Variants in ITCH observed in about 807,000 individuals in gnomAD.
The protein encoded by ITCH is itchy E3 ubiquitin protein ligase, also known as E3 ubiquitin-protein ligase Itchy homolog.
A neutral mutation model predicts 126.8 loss-of-function variants in ITCH; 28 were observed. The ratio of observed to expected loss-of-function variants is 0.22; its 90% CI spans 0.16 to 0.30. ITCH has a LOEUF of 0.30. ITCH is among the 10% of genes least tolerant of loss of function. The pLI is 1.00. For missense variants in ITCH, 631 were observed against 1,032.4 expected, an observed-to-expected ratio of 0.61 and a Z score of 5.33; for synonymous variants, 342 against 340.0, an observed-to-expected ratio of 1.01 and a Z score of -0.06.
chr20:34,427,573 A>G (rs558590853), intron 7 of ITCH, among the ~76,000 whole-genome samples: 2 of 152,334 alleles, frequency 1.3e-5, no homozygotes, highest in African/African-American at 4.8e-5. Context: ...AGATCGTGCC[A>G]CTGTACTCAG....
At chr20:34,420,399 T>C (rs1443138402) in intron 6 of ITCH, among the ~76,000 whole-genome samples, 1 of 152,236 alleles carries the variant, frequency 6.6e-6, no homozygotes, top group African/African-American at 2.4e-5. Flanking sequence ...TTGTAGAATG[T>C]GTCAGTACTT....
At chr20:34,478,903 T>C (rs563924710) in intron 17 of ITCH, among the ~76,000 whole-genome samples, 28 of 152,262 alleles carry the variant, frequency 1.8e-4, no homozygotes, top group African/African-American at 6.7e-4. Flanking sequence ...TTAAAGTGTG[T>C]CATGAGATAC....
At chr20:34,410,682 T>C (rs1978904627) in intron 4 of ITCH, among the ~76,000 whole-genome samples, 1 of 152,162 alleles carries the variant, frequency 6.6e-6, no homozygotes, top group African/African-American at 2.4e-5. Context: ...AGTTCCCATC[T>C]CATATATATT....
At chr20:34,437,468 G>A (rs939075303) in intron 7 of ITCH, among the ~76,000 whole-genome samples, 1 of 152,092 alleles carries the variant, frequency 6.6e-6, no homozygotes, top group African/African-American at 2.4e-5. Context: ...GCCATGCCCA[G>A]CTACTTTTTA....
intron 24 of ITCH, 131 bp downstream of exon 24, chr20:34,504,534 T>G: frequency 1.4e-6 from 1 of 698,162 alleles, no homozygotes; most frequent in Non-Finnish European, 2.6e-6. Context: ...GCAATCCAGT[T>G]TAAGAGCATT....
At chr20:34,391,150 A>AT (rs2038476610) in intron 2 of ITCH, among the ~76,000 whole-genome samples, 2 of 152,070 alleles carry the variant, frequency 1.3e-5, no homozygotes, top group Non-Finnish European at 2.9e-5. Context: ...TGGATTATCT[A>AT]TTTTTTTCTA....
At chr20:34,363,943 G>C (rs973876055) in intron 1 of ITCH, among the ~76,000 whole-genome samples, 1 of 151,678 alleles carries the variant, frequency 6.6e-6, no homozygotes, top group South Asian at 2.1e-4. Flanking sequence ...GTCCGCCACC[G>C]TCGTGGCGGC....
At chr20:34,478,517 A>G (rs1195760200) in intron 17 of ITCH, among the ~76,000 whole-genome samples, 1 of 152,204 alleles carries the variant, frequency 6.6e-6, no homozygotes, top group African/African-American at 2.4e-5. Context: ...CATTGTGCAA[A>G]GACAAGGACT....
At chr20:34,416,312 C>A (rs1393575397) in intron 6 of ITCH, among the ~76,000 whole-genome samples, 1 of 152,246 alleles carries the variant, frequency 6.6e-6, no homozygotes, top group African/African-American at 2.4e-5. Context: ...GCAGGAGAAT[C>A]ACTTGAACCC....
rs1246821148 is a variant in ITCH at position 34,392,562 on chromosome 20, A to T, written c.-21-1229A>T. Among the ~76,000 whole-genome samples the T allele has an allele frequency of 2.0e-5, 3 of 152,224 alleles. No individual in the cohort carries two copies. The East Asian group carries it at 5.8e-4, about 29-fold the overall frequency. ...TAATTGTTTTATATTTAAACTTTTA[A>T]ACAGAAACCTAAATTTGCATAAAAA... On this transcript the variant is annotated intron_variant, in intron 2 of 24. Coordinates refer to ENST00000374864, the MANE Select transcript of ITCH (RefSeq NM_031483.7).
At chr20:34,389,764 A>C (rs2038418451) in intron 2 of ITCH, among the ~76,000 whole-genome samples, 1 of 152,078 alleles carries the variant, frequency 6.6e-6, no homozygotes, top group African/African-American at 2.4e-5. Context: ...ACCACTGGGG[A>C]GGTTAGATAA....
intron 12 of ITCH, among the ~76,000 whole-genome samples, chr20:34,454,184 C>A (rs1229450071): frequency 1.3e-5 from 2 of 149,018 alleles, no homozygotes; most frequent in Non-Finnish European, 3.0e-5. Context: ...GTCGCCCAGG[C>A]TGGAGTGCAG....
chr20:34,422,331 A>G (rs1980887412), intron 6 of ITCH, among the ~76,000 whole-genome samples: 1 of 152,186 alleles, frequency 6.6e-6, no homozygotes, highest in Non-Finnish European at 1.5e-5. Context: ...TGTAGTGAGA[A>G]GGTTTTAGAA....
At chr20:34,492,433 T>G (rs1038119398) in intron 22 of ITCH, 68 bp from the exon 23 acceptor site, 3 of 1,015,468 alleles carry the variant, frequency 3.0e-6, no homozygotes, top group African/African-American at 1.6e-5. Flanking sequence ...ATCATTATTT[T>G]TCTTTCTTGT....
chr20:34,438,425 G>C, intron 7 of ITCH, 49 bp from the exon 8 acceptor site: 5 of 1,584,908 alleles, frequency 3.2e-6, no homozygotes, highest in Non-Finnish European at 4.3e-6. Context: ...AATTCAAGGA[G>C]TATTCATTAT....
At chr20:34,417,349 G>A (rs951465994) in intron 6 of ITCH, 24 of 317,200 alleles carry the variant, frequency 7.6e-5, no homozygotes, top group South Asian at 3.0e-4. Context: ...CGCCTGCCTC[G>A]ACCTCCCAAA....
intron 23 of ITCH, among the ~76,000 whole-genome samples, chr20:34,503,724 T>C (rs979797041): frequency 6.6e-6 from 1 of 152,130 alleles, no homozygotes; most frequent in Admixed American, 6.6e-5. Context: ...TTGGGACTTA[T>C]ATTAACAAAC....
chr20:34,431,523 T>C (rs901699757), intron 7 of ITCH, among the ~76,000 whole-genome samples: 3 of 152,088 alleles, frequency 2.0e-5, no homozygotes, highest in African/African-American at 4.8e-5. Context: ...AGAGTAGAGA[T>C]TGATTTGGGA....
chr20:34,421,891 C>G (rs1005709904), intron 6 of ITCH, among the ~76,000 whole-genome samples: 27 of 152,222 alleles, frequency 1.8e-4, no homozygotes, highest in African/African-American at 6.3e-4. Context: ...GGCATGCATC[C>G]ATGCATCCTC....
Sources: gnomAD v4.1 joint callset for allele counts (sites outside exome capture counted in the v4.1 genomes callset) on GRCh38, gnomAD v4.1.1 for gene constraint, MANE v1.5 for transcripts, NCBI Gene and HGNC (gene_info 2026-07-23, HGNC 2026-07-21) for gene names.